The following SETBP1 variants were observed in gnomAD, a reference collection of about 807,000 sequenced individuals.
The protein encoded by SETBP1 is SET binding protein 1, also known as SET-binding protein.
Under a neutral mutation model 101.0 loss-of-function variants are expected in SETBP1, and 9 were observed. That is an observed-to-expected ratio of 0.09 (90% CI 0.05 to 0.16). SETBP1 has a LOEUF of 0.16. SETBP1 is among the 10% of genes least tolerant of loss of function. The probability of loss-of-function intolerance (pLI) is 1.00; values close to 1 mark genes in which losing one functional copy is unlikely to be tolerated. For missense variants in SETBP1, 1,858 were observed against 2,033.8 expected (o/e 0.91, Z 1.66); for synonymous variants, 818 against 788.5 (o/e 1.04, Z -0.63).
rs1264290179 is a variant in SETBP1, at chr18:44,952,699, C to A, written c.3359C>A (p.Pro1120His). Residue 1120 changes from proline to histidine, a missense_variant, in exon 4 of 6, where the codon CCT becomes CAT. Pro to His is a moderately conservative substitution (Grantham distance 77). This residue lies in a region of SETBP1 where 417 missense variants were observed against 389.1 expected (regional missense o/e 1.07). Transcript: ENST00000649279. ...AAGCATGGAGTACACCTGCAGGGAC[C>A]TGTTAGCATGGGCCTTGGTGACATG... ...KAKHGVHLQG[P>H]VSMGLGDMQP... 1 of 1,614,134 alleles carries A rather than the reference C, an allele frequency of 6.2e-7. No individual in the cohort carries two copies. Among genetic ancestry groups the A allele is most frequent in the South Asian group, 1.1e-5 (1 of 91,074 alleles).
intron 1 of SETBP1, among the ~76,000 whole-genome samples, chr18:44,683,697 T>C (rs2068794171): frequency 1.3e-5 from 2 of 152,194 alleles, no homozygotes; most frequent in African/African-American, 4.8e-5. Flanking sequence ...GTGGAGACAC[T>C]GAAACTTGGC....
chr18:44,762,955 A>G (rs556431330), intron 2 of SETBP1, among the ~76,000 whole-genome samples: 44 of 152,364 alleles, frequency 2.9e-4, no homozygotes, highest in African/African-American at 1.1e-3. Context: ...TAGAATAAAG[A>G]CTTGGTAAAG....
intron 2 of SETBP1, among the ~76,000 whole-genome samples, chr18:44,743,201 A>G (rs907663982): frequency 2.6e-5 from 4 of 151,696 alleles, no homozygotes; most frequent in Non-Finnish European, 4.4e-5. Context: ...GATGGTGGTG[A>G]GGGGAACAGA....
chr18:44,953,366 G>A (rs749825154), intron 4 of SETBP1, 26 bp downstream of exon 4: 6 of 1,589,990 alleles, frequency 3.8e-6, no homozygotes, highest in Non-Finnish European at 5.2e-6. Context: ...TTCAGAAATG[G>A]ATTATCAAGT....
At chr18:44,838,611 A>T (rs1212104978) in intron 2 of SETBP1, among the ~76,000 whole-genome samples, 1 of 152,134 alleles carries the variant, frequency 6.6e-6, no homozygotes, top group Non-Finnish European at 1.5e-5. Flanking sequence ...CCTTACTAGG[A>T]CAGTTTACTC....
intron 3 of SETBP1, among the ~76,000 whole-genome samples, chr18:44,901,733 A>G (rs1192478865): frequency 6.6e-6 from 1 of 152,208 alleles, no homozygotes; most frequent in Non-Finnish European, 1.5e-5. Flanking sequence ...CATAGAAGCT[A>G]TAGGGAAACA....
chr18:44,764,464 C>A (rs898920135), intron 2 of SETBP1, among the ~76,000 whole-genome samples: 3 of 151,770 alleles, frequency 2.0e-5, no homozygotes, highest in African/African-American at 4.8e-5. Flanking sequence ...CTTCTTTCTT[C>A]GTTCTTCTTC....
chr18:45,048,540 G>A (rs1024362539), intron 5 of SETBP1, among the ~76,000 whole-genome samples: 1 of 152,054 alleles, frequency 6.6e-6, no homozygotes, highest in African/African-American at 2.4e-5. Flanking sequence ...CACAGTCCAA[G>A]TCCCCTACCC....
intron 2 of SETBP1, among the ~76,000 whole-genome samples, chr18:44,811,150 A>G (rs2071854002): frequency 1.3e-5 from 2 of 152,218 alleles, no homozygotes; most frequent in Non-Finnish European, 2.9e-5. Flanking sequence ...GCCATAAGGT[A>G]TTAGACCAGA....
At chr18:45,019,527 C>T (rs539881255) in intron 4 of SETBP1, among the ~76,000 whole-genome samples, 2 of 152,260 alleles carry the variant, frequency 1.3e-5, no homozygotes, top group African/African-American at 4.8e-5. Context: ...TTGACTATTT[C>T]ATTTGCTCTC....
At chr18:44,934,611 G>A (rs2070918582) in intron 3 of SETBP1, among the ~76,000 whole-genome samples, 1 of 152,176 alleles carries the variant, frequency 6.6e-6, no homozygotes, top group African/African-American at 2.4e-5. Context: ...ACCCTGACCA[G>A]GCACCAGGCA....
intron 2 of SETBP1, among the ~76,000 whole-genome samples, chr18:44,804,632 T>C (rs142020796): frequency 6.6e-6 from 1 of 152,114 alleles, no homozygotes; most frequent in Non-Finnish European, 1.5e-5. Flanking sequence ...ATTCTCATGG[T>C]CTATGAGAGA....
At chr18:44,880,622 G>T (rs913406809) in intron 3 of SETBP1, among the ~76,000 whole-genome samples, 9 of 152,186 alleles carry the variant, frequency 5.9e-5, no homozygotes, top group African/African-American at 1.9e-4. Flanking sequence ...CTTGGCATCT[G>T]GGGAGGCCTC....
chr18:44,950,403 G>A lies in SETBP1; in HGVS notation c.1063G>A (p.Val355Ile), dbSNP rs752918225. 4.3e-6 allele frequency: 7 copies of A among 1,614,154 alleles called. No homozygotes were observed. The highest frequency in any genetic ancestry group is 5.1e-6 in the Non-Finnish European group (6 of 1,180,040). The part of the protein sequence containing the change: ...QTIPNPDLDW[V>I]KNAQKAFDNT... The stretch of plus-strand genomic sequence containing the variant: ...CATACCAAACCCAGACCTGGATTGG[G>A]TCAAGAATGCCCAGAAAGCATTTGA... The change falls in exon 4 of 6, where the codon GTC (valine) becomes ATC (isoleucine). Residue 355 changes from valine to isoleucine, a missense_variant. Transcript: ENST00000649279.
chr18:44,990,733 A>T (rs2072350617), intron 4 of SETBP1, among the ~76,000 whole-genome samples: 2 of 152,130 alleles, frequency 1.3e-5, no homozygotes, highest in South Asian at 4.1e-4. Flanking sequence ...TACTAGGAAT[A>T]GCATAGAAGT....
intron 2 of SETBP1, among the ~76,000 whole-genome samples, chr18:44,758,070 G>A (rs538633436): frequency 6.6e-6 from 1 of 152,232 alleles, no homozygotes; most frequent in East Asian, 1.9e-4. Flanking sequence ...GGAGAACAGG[G>A]AAATCCCAGC....
chr18:44,969,666 C>T (rs1233830833), intron 4 of SETBP1, among the ~76,000 whole-genome samples: 1 of 152,144 alleles, frequency 6.6e-6, no homozygotes, highest in Non-Finnish European at 1.5e-5. Flanking sequence ...ATCTGTCCCT[C>T]CTACACCAAG....
chr18:45,010,804 C>A (rs2072822295), intron 4 of SETBP1, among the ~76,000 whole-genome samples: 1 of 152,154 alleles, frequency 6.6e-6, no homozygotes, highest in Admixed American at 6.5e-5. Flanking sequence ...TAAAGTTGGA[C>A]ACTACTAATA....
chr18:44,872,517 A>G (rs1211194473), intron 3 of SETBP1, among the ~76,000 whole-genome samples: 1 of 152,192 alleles, frequency 6.6e-6, no homozygotes, highest in Non-Finnish European at 1.5e-5. Context: ...TAGTACCATC[A>G]TTCATTTACT....
Sources: gnomAD v4.1 joint callset for allele counts (sites outside exome capture counted in the v4.1 genomes callset) on GRCh38, gnomAD v4.1.1 for gene constraint, gnomAD v4.1.1 regional missense constraint, MANE v1.5 for transcripts, NCBI Gene and HGNC (gene_info 2026-07-23, HGNC 2026-07-21) for gene names.